Variants in RNLS observed in about 807,000 individuals in gnomAD.
RNLS encodes the protein renalase.
RNLS carries 39 observed loss-of-function variants against 39.8 expected under a neutral mutation model. That is an observed-to-expected ratio of 0.98 (90% confidence interval 0.76 to 1.28). The LOEUF (loss-of-function observed/expected upper bound fraction) is 1.28. Among genes scored for constraint, RNLS ranks in the 50% most tolerant of loss-of-function variants. The pLI is 0.00. For missense variants in RNLS, 410 were observed against 413.3 expected, an observed-to-expected ratio of 0.99 and a Z score of 0.07; for synonymous variants, 147 against 150.7, an observed-to-expected ratio of 0.98 and a Z score of 0.18.
At chr10:88,453,456 C>A (rs7096710) in intron 4 of RNLS, among the ~76,000 whole-genome samples, 49,694 of 152,038 alleles carry the variant, frequency 0.33, 9,538 homozygotes, top group African/African-American at 0.53. Context: ...TCACTGGGAT[C>A]ATCAGAGACT....
intron 6 of RNLS, among the ~76,000 whole-genome samples, chr10:88,298,171 TTTTTTTATTTTTA>T (rs1307273975): frequency 1.3e-5 from 2 of 152,094 alleles, no homozygotes; most frequent in African/African-American, 4.8e-5. Context: ...ATTGGGTTGG[TTTTTTTATTTTTA>T]TTTTTTATTT....
At chr10:88,416,545 G>A (rs530059889) in intron 4 of RNLS, among the ~76,000 whole-genome samples, 24 of 152,154 alleles carry the variant, frequency 1.6e-4, no homozygotes, top group South Asian at 2.1e-4. Context: ...GAGCCACTGC[G>A]CCCAGCCCTG....
chr10:88,446,738 G>A (rs138419309), intron 4 of RNLS, among the ~76,000 whole-genome samples: 275 of 152,224 alleles, frequency 1.8e-3, no homozygotes, highest in Non-Finnish European at 1.9e-3. Context: ...CAATATCCCT[G>A]ATGAACATCG....
At chr10:88,233,683 C>G in the RNLS span, among the ~76,000 whole-genome samples, 2 of 152,122 alleles carry the variant, frequency 1.3e-5, no homozygotes, top group Non-Finnish European at 2.9e-5. Flanking sequence ...CTTGCTAAAT[C>G]TAGAAACTTT....
the RNLS span, among the ~76,000 whole-genome samples, chr10:88,267,951 A>G: frequency 2.6e-5 from 4 of 152,356 alleles, no homozygotes; most frequent in African/African-American, 9.6e-5. Flanking sequence ...TAAATTCTAC[A>G]GCCTTATAGG....
rs142403575 is a variant in RNLS, at chr10:88,449,597, C to G, written c.527-86872G>C. On this transcript the variant is annotated intron_variant, in intron 4 of 6. Coordinates refer to ENST00000331772, the MANE Select transcript of RNLS (RefSeq NM_001031709.3). The stretch of plus-strand genomic sequence containing the variant: ...CTCATTTGTCTTTTTGTCAACAGCT[C>G]TTAGTACTCAATAAATATTTGTCTA... Among the ~76,000 whole-genome samples the G allele has an allele frequency of 1.1e-3, 164 of 152,280 alleles. 1 individual carries two copies. The highest frequency in any genetic ancestry group is 7.1e-3 in the South Asian group (34 of 4,820).
chr10:88,316,564 T>C (rs1382798010), intron 5 of RNLS, among the ~76,000 whole-genome samples: 1 of 152,116 alleles, frequency 6.6e-6, no homozygotes, highest in African/African-American at 2.4e-5. Flanking sequence ...ATGTCAGGCT[T>C]CAAAGGAAAA....
intron 4 of RNLS, among the ~76,000 whole-genome samples, chr10:88,547,584 C>T (rs182925671): frequency 6.6e-6 from 1 of 151,940 alleles, no homozygotes; most frequent in Non-Finnish European, 1.5e-5. Flanking sequence ...AAGGGACAAA[C>T]CTTTTTCTCT....
At chr10:88,474,592 C>T (rs761065657) in intron 4 of RNLS, among the ~76,000 whole-genome samples, 3 of 152,118 alleles carry the variant, frequency 2.0e-5, no homozygotes, top group Non-Finnish European at 4.4e-5. Flanking sequence ...TAAATGAGAA[C>T]ATTTTCCTGG....
chr10:88,238,927 C>A, the RNLS span, among the ~76,000 whole-genome samples: 18 of 152,228 alleles, frequency 1.2e-4, no homozygotes, highest in Non-Finnish European at 1.5e-4. Flanking sequence ...GACAGCCTCC[C>A]TATGCCAGCC....
chr10:88,465,979 C>T (rs1338723910), intron 4 of RNLS, among the ~76,000 whole-genome samples: 1 of 152,050 alleles, frequency 6.6e-6, no homozygotes, highest in Admixed American at 6.6e-5. Flanking sequence ...TGGGGCAGAG[C>T]TACTCTGCCA....
intron 4 of RNLS, among the ~76,000 whole-genome samples, chr10:88,452,188 T>A (rs1842395308): frequency 6.6e-6 from 1 of 152,240 alleles, no homozygotes; most frequent in South Asian, 2.1e-4. Context: ...CTTTTGAGAC[T>A]CAGATTCTTT....
At chr10:88,219,963 G>A in the RNLS span, among the ~76,000 whole-genome samples, 28 of 152,234 alleles carry the variant, frequency 1.8e-4, no homozygotes, top group African/African-American at 4.8e-4. Context: ...AAAGTGTGAC[G>A]GTCCCTGAGC....
At chr10:88,560,895 G>A (rs948099778) in intron 4 of RNLS, among the ~76,000 whole-genome samples, 3 of 150,390 alleles carry the variant, frequency 2.0e-5, no homozygotes, top group Admixed American at 1.3e-4. Context: ...AGTCTTAGAG[G>A]CAATCAATGG....
chr10:88,483,405 G>A (rs1564837099), intron 4 of RNLS, among the ~76,000 whole-genome samples: 2 of 152,016 alleles, frequency 1.3e-5, no homozygotes, highest in African/African-American at 4.8e-5. Context: ...CTCAGTAAAT[G>A]CTGGCAAAAT....
intron 4 of RNLS, among the ~76,000 whole-genome samples, chr10:88,472,265 T>G (rs1843582254): frequency 6.6e-6 from 1 of 152,106 alleles, no homozygotes; most frequent in Non-Finnish European, 1.5e-5. Flanking sequence ...ATCTGGTATT[T>G]TAAAGAGAAG....
In RNLS at chr10:88,342,530, A is replaced by G. The variant is rs191471699; in HGVS notation, c.700+20022T>C. Among the ~76,000 whole-genome samples, 73 of 152,330 alleles carry G rather than the reference A, an allele frequency of 4.8e-4. No individual in the cohort carries two copies. The South Asian group carries it at 8.3e-3, about 17-fold the overall frequency. On this transcript the variant is annotated intron_variant, in intron 5 of 6. Transcript: ENST00000331772. Reference sequence around the variant, plus strand: ...TGTATTAAGCTATGTGCCAGGTGCTAGAGATACAATGATATCCAATTTCTT... The same window carrying G: ...TGTATTAAGCTATGTGCCAGGTGCTGGAGATACAATGATATCCAATTTCTT...
At chr10:88,428,472 C>T (rs150897389) in intron 4 of RNLS, among the ~76,000 whole-genome samples, 6 of 152,056 alleles carry the variant, frequency 3.9e-5, no homozygotes, top group Non-Finnish European at 7.4e-5. Context: ...AGAGCACAAC[C>T]GAAGACTAAT....
chr10:88,423,366 T>A (rs1854524555), intron 4 of RNLS, among the ~76,000 whole-genome samples: 1 of 152,216 alleles, frequency 6.6e-6, no homozygotes, highest in South Asian at 2.1e-4. Context: ...AGAAGTTTTA[T>A]TAATAGACAC....
Sources: gnomAD v4.1 joint callset for allele counts (sites outside exome capture counted in the v4.1 genomes callset) on GRCh38, gnomAD v4.1.1 for gene constraint, MANE v1.5 for transcripts, NCBI Gene and HGNC (gene_info 2026-07-23, HGNC 2026-07-21) for gene names.